Variants in IL5 observed in about 807,000 individuals in gnomAD.
The protein encoded by IL5 is interleukin 5, also known as interleukin-5.
Under a neutral mutation model 16.3 loss-of-function variants are expected in IL5, and 12 were observed. The observed-to-expected ratio is 0.74, with a 90% CI of 0.47 to 1.20. The LOEUF is 1.20. IL5 is among the 50% of genes most tolerant of loss of function. The probability of loss-of-function intolerance (pLI) is 0.00; values close to 1 mark genes in which losing one functional copy is unlikely to be tolerated. For missense variants in IL5, 159 were observed against 153.9 expected, an observed-to-expected ratio of 1.03 and a Z score of -0.17; for synonymous variants, 54 against 56.6, an observed-to-expected ratio of 0.95 and a Z score of 0.21.
rs1188013056 is a variant in IL5, at chr5:132,541,886, C to T, written c.330G>A (p.Arg110=). The change falls in exon 4 of 4, where the codon CGG becomes CGA. Residue 110 remains arginine, a synonymous_variant. Transcript: ENST00000231454. ...GQKKKCGEER[R]RVNQFLDYLQ... The stretch of plus-strand genomic sequence containing the variant: ...GGTAGTCTAGGAATTGGTTTACTCT[C>T]CGTCTTTCTTCTCCACACTTTTTCT... The T allele has an allele frequency of 5.6e-6, 9 of 1,613,878 alleles. No individual in the cohort carries two copies. The highest frequency in any genetic ancestry group is 7.6e-6 in the Non-Finnish European group (9 of 1,179,818).
upstream of IL5, among the ~76,000 whole-genome samples, chr5:132,544,137 T>C (rs1235812852): frequency 6.6e-6 from 1 of 152,214 alleles, no homozygotes; most frequent in Non-Finnish European, 1.5e-5. Flanking sequence ...CTTTTACATT[T>C]TGATGGCTTC....
Position 132,556,697 on chromosome 5 carries a change from AC to A in IL5, c.18del (p.Trp7GlyfsTer10). On this transcript the variant is annotated frameshift_variant, in exon 1 of 3. Transcript: ENST00000450655. LOFTEE classifies it high-confidence loss of function. ...ACCCCGCTTCCTGGGTCTCCAATCC[AC>A]CCCACCACTACCCCCATTCCAGGAG... The A allele has an allele frequency of 1.6e-6, 2 of 1,260,480 alleles. No individual in the cohort carries two copies. Among genetic ancestry groups the A allele is most frequent in the Non-Finnish European group, 2.1e-6 (2 of 970,498 alleles). 78.1% of individuals were successfully genotyped at this position (1,260,480 alleles called of 1,614,324 possible). A position where few individuals can be genotyped will look rare whatever the true frequency, so the allele number is the denominator to read the frequency against.
Position 132,543,452 on chromosome 5 carries a change from C to G in IL5, c.27G>C (p.Leu9Phe). 6.2e-7 allele frequency: 1 copy of G among 1,614,060 alleles called. No homozygotes were observed. Among genetic ancestry groups the G allele is most frequent in the Middle Eastern group, 1.6e-4 (1 of 6,062 alleles). The change falls in exon 1 of 4, where the codon TTG (leucine) becomes TTC (phenylalanine). Residue 9 changes from leucine (L) to phenylalanine (F), a missense_variant. Transcript: ENST00000231454. MRMLLHLS[L>F]LALGAAYVYA... Reference sequence around the variant, plus strand: ...ACACGTAGGCAGCTCCAAGAGCTAGCAAACTCAAATGCAGAAGCATCCTCA... The same window carrying G: ...ACACGTAGGCAGCTCCAAGAGCTAGGAAACTCAAATGCAGAAGCATCCTCA...
chr5:132,550,470 C>T (rs188836716), intron 1 of IL5, among the ~76,000 whole-genome samples: 190 of 152,132 alleles, frequency 1.2e-3, no homozygotes, highest in African/African-American at 4.3e-3. Flanking sequence ...ACTAAAGGCA[C>T]GCGCCATCAT....
chr5:132,543,199 G>A, intron 1 of IL5, 73 bp from the exon 2 acceptor site: 1 of 1,475,990 alleles, frequency 6.8e-7, no homozygotes. Flanking sequence ...ATGTTTGCTG[G>A]TGATGTAGTT....
chr5:132,549,305 C>T (rs1330478280), intron 1 of IL5, among the ~76,000 whole-genome samples: 2 of 152,160 alleles, frequency 1.3e-5, no homozygotes, highest in Non-Finnish European at 2.9e-5. Flanking sequence ...CCGCCCGCCT[C>T]GGCCTCCCAA....
chr5:132,551,408 G>C (rs184646151), intron 1 of IL5, among the ~76,000 whole-genome samples: 1 of 152,254 alleles, frequency 6.6e-6, no homozygotes, highest in East Asian at 1.9e-4. Context: ...ATTAATTCTT[G>C]GCCAGGCTGT....
exon 1 of IL5, chr5:132,556,732 T>C (rs1341468683): frequency 7.3e-6 from 9 of 1,234,130 alleles, no homozygotes; most frequent in African/African-American, 6.5e-5. Flanking sequence ...AGTCCCAGGA[T>C]CAAGCTTTGG....
chr5:132,545,941 A>C (rs1749777522), upstream of IL5, among the ~76,000 whole-genome samples: 1 of 152,072 alleles, frequency 6.6e-6, no homozygotes, highest in Non-Finnish European at 1.5e-5. Flanking sequence ...AAACAAAAAA[A>C]CAAAAAGCAC....
At chr5:132,552,097 C>G (rs1429262181) in intron 1 of IL5, among the ~76,000 whole-genome samples, 1 of 151,934 alleles carries the variant, frequency 6.6e-6, no homozygotes, top group African/African-American at 2.4e-5. Context: ...AGTGAAACCC[C>G]GTCTCTACTA....
At chr5:132,543,156 T>C (rs772248130) in intron 1 of IL5, 30 bp from the exon 2 acceptor site, 1 of 1,595,488 alleles carries the variant, frequency 6.3e-7, no homozygotes, top group Non-Finnish European at 8.6e-7. Context: ...CAATCATTTT[T>C]ACAGCACACC....
upstream of IL5, among the ~76,000 whole-genome samples, chr5:132,545,445 G>T (rs1482327160): frequency 3.9e-5 from 6 of 151,996 alleles, no homozygotes; most frequent in African/African-American, 1.5e-4. Context: ...TTGAGCCCAG[G>T]AGTTTGAGAC....
chr5:132,556,696 C>A, exon 1 of IL5: 1 of 1,260,810 alleles, frequency 7.9e-7, no homozygotes, highest in Non-Finnish European at 1.0e-6. Flanking sequence ...GTCTCCAATC[C>A]ACCCCACCAC....
At chr5:132,546,544 G>T (rs1283536427), upstream of IL5, among the ~76,000 whole-genome samples, 1 of 152,058 alleles carries the variant, frequency 6.6e-6, no homozygotes, top group East Asian at 1.9e-4. Context: ...TTTATCCATG[G>T]TCTGTCGATG....
Position 132,541,884 on chromosome 5 carries a change from C to T in IL5, c.332G>A (p.Arg111Lys). 6.2e-7 allele frequency: 1 copy of T among 1,613,888 alleles called. No individual in the cohort carries two copies. The highest frequency in any genetic ancestry group is 8.5e-7 in the Non-Finnish European group (1 of 1,179,844). The change falls in exon 4 of 4, where the codon AGA becomes AAA. Residue 111 changes from arginine (R) to lysine (K), a missense_variant. Transcript: ENST00000231454. Reference protein sequence around the residue: ...QKKKCGEERRRVNQFLDYLQE... With the variant: ...QKKKCGEERRKVNQFLDYLQE... ...CAGGTAGTCTAGGAATTGGTTTACT[C>T]TCCGTCTTTCTTCTCCACACTTTTT...
At chr5:132,543,268 G>T (rs1424129711) in intron 1 of IL5, 67 bp downstream of exon 1, 2 of 1,476,502 alleles carry the variant, frequency 1.4e-6, no homozygotes, top group African/African-American at 2.8e-5. Flanking sequence ...TCTATATATA[G>T]TAAAGGAACC....
At chr5:132,556,797 C>T (rs893539157) in exon 1 of IL5, 5 of 1,205,372 alleles carry the variant, frequency 4.1e-6, no homozygotes, top group Middle Eastern at 2.3e-4. Flanking sequence ...AGTGCCTCTC[C>T]AGGCTGCCCA....
chr5:132,552,293 AC>A (rs1318004362), intron 1 of IL5, among the ~76,000 whole-genome samples: 7 of 152,110 alleles, frequency 4.6e-5, no homozygotes, highest in African/African-American at 1.7e-4. Flanking sequence ...AACAACAACA[AC>A]AAAAAACAAA....
Position 132,543,126 on chromosome 5 carries a change from T to C in IL5, c.145A>G (p.Thr49Ala). ...THRTLLIANE[T>A]LRIPVPVHKN... Reference sequence around the variant, plus strand: ...TGTACAGGAACAGGAATCCTCAGAGTCTGGAGAGGAAAGGAAATACAATCA... The same window carrying C: ...TGTACAGGAACAGGAATCCTCAGAGCCTGGAGAGGAAAGGAAATACAATCA... Residue 49 changes from threonine to alanine, a missense_variant and splice_region_variant, in exon 2 of 4, where the codon ACT becomes GCT. Thr to Ala is a moderately conservative substitution (Grantham distance 58). Coordinates refer to ENST00000231454, the MANE Select transcript of IL5 (RefSeq NM_000879.3). The C allele has an allele frequency of 6.2e-7, 1 of 1,606,584 alleles. No homozygotes were observed. The highest frequency in any genetic ancestry group is 1.1e-5 in the South Asian group (1 of 90,422).
Sources: gnomAD v4.1 joint callset for allele counts (sites outside exome capture counted in the v4.1 genomes callset) on GRCh38, gnomAD v4.1.1 for gene constraint, MANE v1.5 for transcripts, NCBI Gene and HGNC (gene_info 2026-07-23, HGNC 2026-07-21) for gene names.